Variants in CSMD1 observed in about 807,000 individuals in gnomAD.
CSMD1 encodes CUB and sushi domain-containing protein 1.
In CSMD1, 213 loss-of-function variants were observed where a neutral mutation model predicts 417.5. The ratio of observed to expected loss-of-function variants is 0.51; its 90% CI spans 0.46 to 0.57. The LOEUF is 0.57. Ranked by LOEUF, CSMD1 falls within the 20% of genes least tolerant of loss-of-function variation. CSMD1 has a pLI of 0.00. For missense variants in CSMD1, 6,923 were observed against 4,529.7 expected, an observed-to-expected ratio of 1.53 and a Z score of -15.17; for synonymous variants, 2,862 against 1,736.8, an observed-to-expected ratio of 1.65 and a Z score of -16.11.
At chr8:4,045,703 C>G (rs1161733068) in intron 3 of CSMD1, among the ~76,000 whole-genome samples, 1 of 152,126 alleles carries the variant, frequency 6.6e-6, no homozygotes, top group South Asian at 2.1e-4. Context: ...AAAGCAGTAA[C>G]CATAAGATTC....
chr8:3,070,284 T>G (rs1200173061), intron 49 of CSMD1, among the ~76,000 whole-genome samples: 1 of 152,250 alleles, frequency 6.6e-6, no homozygotes, highest in Non-Finnish European at 1.5e-5. Context: ...CTCCACAGCC[T>G]TCTTGAACTC....
At chr8:3,164,779 A>G (rs550139860) in intron 37 of CSMD1, among the ~76,000 whole-genome samples, 1 of 152,346 alleles carries the variant, frequency 6.6e-6, no homozygotes, top group South Asian at 2.1e-4. Context: ...ATATCAAGAC[A>G]AAATATTTTG....
At chr8:4,873,502 C>A (rs1188581967) in intron 1 of CSMD1, among the ~76,000 whole-genome samples, 4 of 152,070 alleles carry the variant, frequency 2.6e-5, no homozygotes. Context: ...CTTAGTGGAA[C>A]TGGAAATGCT....
At chr8:4,192,074 C>T (rs928774989) in intron 3 of CSMD1, among the ~76,000 whole-genome samples, 2 of 152,088 alleles carry the variant, frequency 1.3e-5, no homozygotes, top group Non-Finnish European at 2.9e-5. Flanking sequence ...ATAGCCATTA[C>T]AGACAAACAG....
At chr8:3,882,579 C>G (rs955837905) in intron 5 of CSMD1, among the ~76,000 whole-genome samples, 46 of 152,118 alleles carry the variant, frequency 3.0e-4, no homozygotes, top group African/African-American at 1.1e-3. Context: ...TCACCCAAGG[C>G]TAGAATGTTC....
At chr8:3,227,181 A>C (rs1387264205) in intron 27 of CSMD1, among the ~76,000 whole-genome samples, 1 of 152,108 alleles carries the variant, frequency 6.6e-6, no homozygotes, top group Non-Finnish European at 1.5e-5. Flanking sequence ...CAGGCAGATC[A>C]TGAAGTCAGG....
At chr8:4,479,722 C>T (rs1183166027) in intron 2 of CSMD1, among the ~76,000 whole-genome samples, 2 of 151,874 alleles carry the variant, frequency 1.3e-5, no homozygotes, top group Non-Finnish European at 2.9e-5. Flanking sequence ...GGTGAAACCC[C>T]GTCTCTACTA....
chr8:4,679,130 C>T lies in CSMD1; in HGVS notation c.86-41572G>A, dbSNP rs1004950884. On this transcript the variant is annotated intron_variant, in intron 1 of 69. Coordinates refer to ENST00000635120, the MANE Select transcript of CSMD1 (RefSeq NM_033225.6). ...GCAAGTTTCTTTTTCTGTCAATGTA[C>T]TTTCCCTTCTTGATATGGCCAAGAT... Among the ~76,000 whole-genome samples, 6 of 152,210 alleles carry T rather than the reference C, an allele frequency of 3.9e-5. 1 individual carries two copies. Among genetic ancestry groups the T allele is most frequent in the Non-Finnish European group, 7.4e-5 (5 of 68,026 alleles).
At chr8:4,776,870 TC>T in intron 1 of CSMD1, among the ~76,000 whole-genome samples, 1 of 152,256 alleles carries the variant, frequency 6.6e-6, no homozygotes, top group East Asian at 1.9e-4. Context: ...TTTACTGTTT[TC>T]TGCTTATCTT....
chr8:4,806,688 C>A (rs1411324499), intron 1 of CSMD1, among the ~76,000 whole-genome samples: 1 of 152,196 alleles, frequency 6.6e-6, no homozygotes, highest in African/African-American at 2.4e-5. Context: ...GTCGCAGTGC[C>A]TGTGAGTTTC....
intron 6 of CSMD1, among the ~76,000 whole-genome samples, chr8:3,740,601 GC>G (rs1356342586): frequency 6.6e-6 from 1 of 152,162 alleles, no homozygotes; most frequent in Non-Finnish European, 1.5e-5. Flanking sequence ...ACGAGCAGGG[GC>G]TGAGGTAGTG....
chr8:4,306,320 C>T (rs1798242803), intron 3 of CSMD1, among the ~76,000 whole-genome samples: 1 of 152,310 alleles, frequency 6.6e-6, no homozygotes, highest in South Asian at 2.1e-4. Flanking sequence ...CAGCTCGATC[C>T]TTCCATCATC....
chr8:3,642,275 G>C (rs1404574297), intron 7 of CSMD1, among the ~76,000 whole-genome samples: 1 of 152,054 alleles, frequency 6.6e-6, no homozygotes, highest in Non-Finnish European at 1.5e-5. Context: ...TTGACTAATA[G>C]TAAATTCACT....
At chr8:4,750,417 T>C (rs1028273661) in intron 1 of CSMD1, among the ~76,000 whole-genome samples, 22 of 152,312 alleles carry the variant, frequency 1.4e-4, no homozygotes, top group African/African-American at 5.3e-4. Context: ...GATAAATATG[T>C]GTTGCAATTA....
intron 1 of CSMD1, among the ~76,000 whole-genome samples, chr8:4,713,330 G>C (rs1399820095): frequency 1.3e-5 from 2 of 152,130 alleles, no homozygotes; most frequent in Non-Finnish European, 2.9e-5. Flanking sequence ...CCGGTGGTGT[G>C]GTGTCTTGCC....
intron 8 of CSMD1, among the ~76,000 whole-genome samples, chr8:3,606,051 G>C (rs568737644): frequency 2.6e-5 from 4 of 152,144 alleles, no homozygotes; most frequent in Admixed American, 2.6e-4. Context: ...ATTGTAATGA[G>C]ATGATAGTAA....
intron 4 of CSMD1, among the ~76,000 whole-genome samples, chr8:4,001,644 A>G (rs1468190706): frequency 6.6e-6 from 1 of 152,138 alleles, no homozygotes; most frequent in East Asian, 1.9e-4. Flanking sequence ...TGAGTCTAAG[A>G]TCTTAGACAC....
intron 64 of CSMD1, 122 bp from the exon 65 acceptor site, chr8:2,954,390 T>C: frequency 1.7e-6 from 1 of 589,248 alleles, no homozygotes; most frequent in South Asian, 2.1e-5. Context: ...AAAATATGAA[T>C]ACCTTATACA....
chr8:4,414,812 T>G (rs1308747441), intron 3 of CSMD1, among the ~76,000 whole-genome samples: 1 of 152,120 alleles, frequency 6.6e-6, no homozygotes, highest in Non-Finnish European at 1.5e-5. Context: ...CAAATTTTCC[T>G]TAGAGTTAGT....
Sources: allele counts gnomAD v4.1 joint callset (sites outside exome capture counted in the v4.1 genomes callset), GRCh38; gene constraint gnomAD v4.1.1; transcripts MANE v1.5; gene names NCBI Gene and HGNC (gene_info 2026-07-23, HGNC 2026-07-21).